ROBO2: variants seen among roughly 807,000 people sequenced by gnomAD.
ROBO2 encodes the protein roundabout homolog 2.
Under a neutral mutation model 160.8 loss-of-function variants are expected in ROBO2, and 53 were observed. That is an observed-to-expected ratio of 0.33 (90% CI 0.26 to 0.41). ROBO2 has a LOEUF of 0.41. Ranked by LOEUF, ROBO2 falls within the 10% of genes least tolerant of loss-of-function variation. The probability of loss-of-function intolerance (pLI) is 1.00; values close to 1 mark genes in which losing one functional copy is unlikely to be tolerated. For missense variants in ROBO2, 1,577 were observed against 1,722.4 expected (o/e 0.92, Z 1.49); for synonymous variants, 664 against 611.7 (o/e 1.09, Z -1.26).
intron 2 of ROBO2, among the ~76,000 whole-genome samples, chr3:76,732,164 A>G (rs1287295002): frequency 6.6e-6 from 1 of 152,140 alleles, no homozygotes; most frequent in Non-Finnish European, 1.5e-5. Context: ...TGAACCCCTG[A>G]GATTATTTTT....
At position 77,477,246 on chromosome 3, in the gene ROBO2, A is replaced by G. The variant is rs140501637; in HGVS notation, c.389-168A>G. Among the ~76,000 whole-genome samples, 39 of 152,298 alleles carry G rather than the reference A, an allele frequency of 2.6e-4. No individual in the cohort carries two copies. The East Asian group carries it at 7.3e-3, about 29-fold the overall frequency. ...GTCAGCCATTCTCCTGTTGATGATC[A>G]TTTATGTTGGCTCCAGAATATTTTA... On this transcript the variant is annotated intron_variant, in intron 2 of 25. Transcript: ENST00000461745.
intron 2 of ROBO2, among the ~76,000 whole-genome samples, chr3:77,153,527 T>A (rs1320535606): frequency 1.3e-5 from 2 of 152,162 alleles, no homozygotes; most frequent in Non-Finnish European, 2.9e-5. Flanking sequence ...TTTATGAATT[T>A]TCGACCAATG....
At chr3:76,236,426 C>G (rs1230024280) in intron 2 of ROBO2, among the ~76,000 whole-genome samples, 2 of 151,986 alleles carry the variant, frequency 1.3e-5, no homozygotes, top group Non-Finnish European at 2.9e-5. Flanking sequence ...TCTTGAGGGT[C>G]AATTTTTACA....
At chr3:76,435,219 A>G in intron 2 of ROBO2, 2 of 1,504,550 alleles carry the variant, frequency 1.3e-6, no homozygotes, top group African/African-American at 1.4e-5. Context: ...TAAAGTGCCA[A>G]CCATATCCAT....
At chr3:75,982,567 G>T (rs979728578) in intron 2 of ROBO2, among the ~76,000 whole-genome samples, 3 of 151,420 alleles carry the variant, frequency 2.0e-5, no homozygotes, top group African/African-American at 7.3e-5. Context: ...TATTCTTAAT[G>T]TGTTCTTTTA....
chr3:76,699,552 T>C (rs1005765211), intron 2 of ROBO2, among the ~76,000 whole-genome samples: 2 of 152,210 alleles, frequency 1.3e-5, no homozygotes, highest in African/African-American at 4.8e-5. Context: ...GCCTTTGTTT[T>C]AAATTGCTGC....
chr3:77,596,520 C>T, intron 18 of ROBO2, 103 bp from the exon 20 acceptor site: 1 of 1,394,280 alleles, frequency 7.2e-7, no homozygotes. Context: ...AATTTGAAGT[C>T]AATGAAAATC....
chr3:77,636,972 T>C (rs1345553221), intron 24 of ROBO2, among the ~76,000 whole-genome samples: 2 of 152,216 alleles, frequency 1.3e-5, no homozygotes, highest in Non-Finnish European at 2.9e-5. Flanking sequence ...TAGTACAATG[T>C]CAGATTGAAA....
intron 16 of ROBO2, among the ~76,000 whole-genome samples, chr3:77,580,774 A>G (rs376780657): frequency 1.3e-5 from 2 of 152,152 alleles, no homozygotes; most frequent in African/African-American, 4.8e-5. Context: ...CAATTGTATG[A>G]ATATGCCATA....
intron 2 of ROBO2, among the ~76,000 whole-genome samples, chr3:77,426,760 A>G (rs1015479309): frequency 2.0e-5 from 3 of 151,962 alleles, no homozygotes; most frequent in Non-Finnish European, 2.9e-5. Flanking sequence ...GAAGAAACCC[A>G]TGTTCAATTC....
chr3:76,670,279 A>G (rs1188052255), intron 2 of ROBO2, among the ~76,000 whole-genome samples: 1 of 150,480 alleles, frequency 6.6e-6, no homozygotes, highest in Non-Finnish European at 1.5e-5. Context: ...CCTGGTTTTA[A>G]TAAGTTTTAT....
intron 2 of ROBO2, among the ~76,000 whole-genome samples, chr3:76,941,027 G>A (rs1189544011): frequency 6.6e-6 from 1 of 152,146 alleles, no homozygotes; most frequent in Non-Finnish European, 1.5e-5. Context: ...CCTTTAGTCT[G>A]TTACTTCTCA....
chr3:77,470,914 T>G, intron 2 of ROBO2, among the ~76,000 whole-genome samples: 1 of 152,298 alleles, frequency 6.6e-6, no homozygotes, highest in East Asian at 1.9e-4. Context: ...AGGAAAGACT[T>G]GTGTTCAGTG....
rs578111938 is a variant in ROBO2, at chr3:76,565,637, T to G, written c.110-532377T>G. On this transcript the variant is annotated intron_variant, in intron 2 of 26. Coordinates refer to the ROBO2 transcript ENST00000487694. ...CTGAAAATGAGATACAACAACTATC[T>G]CATCTCCTGGGCCTTTACCTAATGA... 3.3e-5 allele frequency among the ~76,000 whole-genome samples: 5 copies of G among 152,354 alleles called. No individual in the cohort carries two copies. The South Asian group carries it at 1.0e-3, about 32-fold the overall frequency.
At chr3:77,028,520 G>A (rs1404759413) in intron 2 of ROBO2, among the ~76,000 whole-genome samples, 1 of 151,856 alleles carries the variant, frequency 6.6e-6, no homozygotes, top group African/African-American at 2.4e-5. Context: ...GTTCAAGACC[G>A]GCCTGACCAA....
intron 2 of ROBO2, among the ~76,000 whole-genome samples, chr3:77,335,611 A>G (rs1318804204): frequency 1.3e-5 from 2 of 152,146 alleles, no homozygotes; most frequent in African/African-American, 2.4e-5. Flanking sequence ...TAATTGACCT[A>G]TCCCCTACTT....
chr3:76,412,474 C>T (rs1459757188), intron 2 of ROBO2, among the ~76,000 whole-genome samples: 7 of 152,184 alleles, frequency 4.6e-5, no homozygotes, highest in Non-Finnish European at 7.4e-5. Flanking sequence ...CCATTCCCTT[C>T]CTGCTATGAG....
chr3:77,545,044 T>C (rs1230440584), intron 6 of ROBO2, among the ~76,000 whole-genome samples: 1 of 152,044 alleles, frequency 6.6e-6, no homozygotes, highest in African/African-American at 2.4e-5. Context: ...TATGTCTTGG[T>C]CTCATTAGCT....
chr3:76,886,360 T>C (rs1441708151), intron 2 of ROBO2, among the ~76,000 whole-genome samples: 2 of 151,796 alleles, frequency 1.3e-5, no homozygotes, highest in African/African-American at 4.8e-5. Flanking sequence ...TATGGAGATT[T>C]AAGGAATAAA....
Sources: allele counts gnomAD v4.1 joint callset (sites outside exome capture counted in the v4.1 genomes callset), GRCh38; gene constraint gnomAD v4.1.1; transcripts MANE v1.5; gene names NCBI Gene and HGNC (gene_info 2026-07-23, HGNC 2026-07-21).